Variants in TENM4 observed in about 807,000 individuals in gnomAD.
TENM4 encodes teneurin-4.
Under a neutral mutation model 243.3 loss-of-function variants are expected in TENM4, and 82 were observed. The observed-to-expected ratio is 0.34, with a 90% confidence interval of 0.28 to 0.40. TENM4 has a LOEUF of 0.40. Ranked by LOEUF, TENM4 falls within the 10% of genes least tolerant of loss-of-function variation. TENM4 has a pLI of 1.00. For synonymous variants in TENM4, 1,412 were observed against 1,456.3 expected (o/e 0.97, Z 0.69); for missense variants, 3,138 against 3,673.3 (o/e 0.85, Z 3.77).
chr11:79,263,356 G>T (rs1412643627), intron 2 of TENM4, among the ~76,000 whole-genome samples: 1 of 152,214 alleles, frequency 6.6e-6, no homozygotes, highest in African/African-American at 2.4e-5. Flanking sequence ...AGTCAAGGGG[G>T]AGTCTGAAAA....
At chr11:79,412,589 A>T (rs927320661) in intron 1 of TENM4, among the ~76,000 whole-genome samples, 1 of 152,252 alleles carries the variant, frequency 6.6e-6, no homozygotes, top group Non-Finnish European at 1.5e-5. Flanking sequence ...GAAAAGTAAC[A>T]GTCCTTACTT....
At chr11:79,158,044 T>G (rs895296858) in intron 3 of TENM4, among the ~76,000 whole-genome samples, 5 of 152,178 alleles carry the variant, frequency 3.3e-5, no homozygotes, top group African/African-American at 1.2e-4. Flanking sequence ...ACCTCTGCTC[T>G]CAGAAGTCGA....
At chr11:78,773,987 C>T (rs1161138291) in intron 17 of TENM4, among the ~76,000 whole-genome samples, 14 of 152,142 alleles carry the variant, frequency 9.2e-5, no homozygotes, top group Non-Finnish European at 1.5e-5. Context: ...TGTAATAGAG[C>T]GAGGACTTTG....
At chr11:78,962,374 C>T (rs1042564279) in intron 6 of TENM4, among the ~76,000 whole-genome samples, 5 of 147,656 alleles carry the variant, frequency 3.4e-5, no homozygotes, top group Non-Finnish European at 7.4e-5. Context: ...CAAAGACAAA[C>T]ACAGACAGAA....
intron 5 of TENM4, among the ~76,000 whole-genome samples, chr11:79,069,188 C>A (rs149877572): frequency 6.2e-4 from 95 of 152,272 alleles, no homozygotes; most frequent in African/African-American, 2.3e-3. Flanking sequence ...ACTAAGTTTT[C>A]ATGTCTAACC....
At chr11:78,893,546 A>G (rs1351035286) in intron 7 of TENM4, among the ~76,000 whole-genome samples, 1 of 152,114 alleles carries the variant, frequency 6.6e-6, no homozygotes, top group African/African-American at 2.4e-5. Flanking sequence ...CTCATTTTCT[A>G]TGCTACAGGT....
chr11:78,848,596 C>A (rs149419624), intron 12 of TENM4, among the ~76,000 whole-genome samples: 134 of 152,294 alleles, frequency 8.8e-4, no homozygotes, highest in African/African-American at 3.1e-3. Context: ...CTTGACCCAT[C>A]CAGCTAGGCA....
At chr11:79,242,383 T>TA (rs1284586270) in intron 2 of TENM4, among the ~76,000 whole-genome samples, 2 of 151,388 alleles carry the variant, frequency 1.3e-5, no homozygotes, top group Non-Finnish European at 2.9e-5. Context: ...TAGAAAAAAA[T>TA]AAAAATAAAA....
At chr11:78,812,012 G>T in intron 14 of TENM4, 110 bp downstream of exon 14, 1 of 1,367,032 alleles carries the variant, frequency 7.3e-7, no homozygotes, top group Non-Finnish European at 9.8e-7. Context: ...GGGAGGTGGG[G>T]TCACAAAATG....
chr11:79,267,577 A>T (rs112145544), intron 2 of TENM4, among the ~76,000 whole-genome samples: 93 of 152,324 alleles, frequency 6.1e-4, no homozygotes, highest in African/African-American at 2.2e-3. Flanking sequence ...AGACAAATTA[A>T]AACATCTCTG....
intron 23 of TENM4, among the ~76,000 whole-genome samples, chr11:78,725,425 T>G (rs1855488738): frequency 6.6e-6 from 1 of 152,158 alleles, no homozygotes; most frequent in African/African-American, 2.4e-5. Context: ...ATAATACAGA[T>G]CTGATGGTGC....
intron 1 of TENM4, among the ~76,000 whole-genome samples, chr11:79,361,924 AG>A (rs1857596197): frequency 6.6e-6 from 1 of 152,228 alleles, no homozygotes; most frequent in Non-Finnish European, 1.5e-5. Flanking sequence ...TAGAAATGCA[AG>A]TAACATATGT....
chr11:78,847,286 G>C (rs1379440962), intron 12 of TENM4, among the ~76,000 whole-genome samples: 2 of 152,184 alleles, frequency 1.3e-5, no homozygotes, highest in Non-Finnish European at 2.9e-5. Flanking sequence ...CAGTGTCCTT[G>C]GGCTACTTTT....
At chr11:78,676,955 C>T (rs1004470672) in intron 29 of TENM4, among the ~76,000 whole-genome samples, 18 of 152,134 alleles carry the variant, frequency 1.2e-4, no homozygotes, top group Non-Finnish European at 5.9e-5. Flanking sequence ...TCTCTAGAGA[C>T]GGTGGTTGCC....
At chr11:78,720,755 C>A (rs1028044957) in intron 24 of TENM4, among the ~76,000 whole-genome samples, 3 of 152,110 alleles carry the variant, frequency 2.0e-5, no homozygotes, top group African/African-American at 7.2e-5. Flanking sequence ...TGCTTACTGC[C>A]CTGTGTCTCC....
chr11:78,704,064 C>T (rs28634646), intron 27 of TENM4, among the ~76,000 whole-genome samples: 19 of 134,584 alleles, frequency 1.4e-4, no homozygotes, highest in East Asian at 4.2e-4. Flanking sequence ...CACACACACA[C>T]ATATATATAT....
chr11:79,069,380 G>A (rs1005784488), intron 5 of TENM4, among the ~76,000 whole-genome samples: 1 of 152,164 alleles, frequency 6.6e-6, no homozygotes, highest in East Asian at 1.9e-4. Flanking sequence ...GTGCACTAGG[G>A]AGGCTTCTCA....
rs147909182 is a variant in TENM4 at position 79,218,234 on chromosome 11, A to ACCGC, written c.-264-2326_-264-2325insGCGG. ...TTCATTAGAAGTTTACCCCCTGCCC[A>ACCGC]CCCACCCCCGACACACACAACCCCA... is the stretch of plus-strand genomic sequence containing the variant. On this transcript the variant is annotated intron_variant, in intron 2 of 33. Coordinates refer to ENST00000278550, the MANE Select transcript of TENM4 (RefSeq NM_001098816.3). Among the ~76,000 whole-genome samples, 150 of 96,490 alleles carry ACCGC rather than the reference A, an allele frequency of 1.6e-3. 8 individuals carry two copies. Among genetic ancestry groups the ACCGC allele is most frequent in the Middle Eastern group, 0.014 (3 of 210 alleles). 63.3% of individuals were successfully genotyped at this position (96,490 alleles called of 152,430 possible).
At chr11:79,307,926 C>A (rs1427015679) in intron 1 of TENM4, among the ~76,000 whole-genome samples, 1 of 152,232 alleles carries the variant, frequency 6.6e-6, no homozygotes. Flanking sequence ...ATGGCAGGAG[C>A]CTGCACTCCC....
Sources: allele counts gnomAD v4.1 joint callset (sites outside exome capture counted in the v4.1 genomes callset), GRCh38; gene constraint gnomAD v4.1.1; transcripts MANE v1.5; gene names NCBI Gene and HGNC (gene_info 2026-07-23, HGNC 2026-07-21).